RBFOX3: variants seen among roughly 807,000 people sequenced by gnomAD.
RBFOX3 encodes RNA binding protein fox-1 homolog 3.
A neutral mutation model predicts 48.7 loss-of-function variants in RBFOX3; 17 were observed. The ratio of observed to expected loss-of-function variants is 0.35; its 90% confidence interval spans 0.24 to 0.52. The LOEUF is 0.52. Among genes scored for constraint, RBFOX3 ranks in the 20% least tolerant of loss-of-function variants. The pLI is 0.94. For missense variants in RBFOX3, 382 were observed against 497.5 expected, an observed-to-expected ratio of 0.77 and a Z score of 2.21; for synonymous variants, 212 against 209.5, an observed-to-expected ratio of 1.01 and a Z score of -0.10.
intron 2 of RBFOX3, among the ~76,000 whole-genome samples, chr17:79,458,285 G>A (rs922389181): frequency 2.0e-5 from 3 of 152,164 alleles, no homozygotes; most frequent in Non-Finnish European, 2.9e-5. Flanking sequence ...AAATAATTAC[G>A]GATTCACTAG....
chr17:79,520,552 A>G (rs2085912378), intron 1 of RBFOX3, among the ~76,000 whole-genome samples: 1 of 152,140 alleles, frequency 6.6e-6, no homozygotes, highest in Non-Finnish European at 1.5e-5. Flanking sequence ...GCCCCCTGCC[A>G]CCAGCCCACC....
chr17:79,216,543 C>T (rs2059077776), intron 4 of RBFOX3, among the ~76,000 whole-genome samples: 2 of 152,118 alleles, frequency 1.3e-5, no homozygotes, highest in African/African-American at 4.8e-5. Flanking sequence ...GCACGTTGGG[C>T]TGAGCCCAGT....
At chr17:79,558,764 C>CG (rs1304104651) in intron 1 of RBFOX3, among the ~76,000 whole-genome samples, 4 of 152,086 alleles carry the variant, frequency 2.6e-5, no homozygotes, top group Non-Finnish European at 5.9e-5. Context: ...CGTGGGCCTG[C>CG]GGGGAGCAGG....
intron 1 of RBFOX3, among the ~76,000 whole-genome samples, chr17:79,565,773 G>A (rs2092431979): frequency 6.6e-6 from 1 of 152,174 alleles, no homozygotes; most frequent in African/African-American, 2.4e-5. Context: ...GGTAGAGCAG[G>A]GTCTCCTCCT....
chr17:79,405,531 G>A (rs1254842042), intron 2 of RBFOX3, among the ~76,000 whole-genome samples: 44 of 152,024 alleles, frequency 2.9e-4, no homozygotes, highest in Admixed American at 2.9e-3. Flanking sequence ...GACCAGCCTG[G>A]GCAACATGGC....
At chr17:79,454,111 G>T (rs1232780608) in intron 2 of RBFOX3, among the ~76,000 whole-genome samples, 4 of 152,052 alleles carry the variant, frequency 2.6e-5, no homozygotes, top group African/African-American at 9.7e-5. Flanking sequence ...CTGGAGCCCT[G>T]CCCCATCACC....
intron 4 of RBFOX3, among the ~76,000 whole-genome samples, chr17:79,129,494 G>A (rs923699774): frequency 7.7e-5 from 8 of 103,666 alleles, no homozygotes. Flanking sequence ...AGCCCCCCAG[G>A]CTCCTGCTGA....
At chr17:79,643,107 A>C in the RBFOX3 span, among the ~76,000 whole-genome samples, 2 of 152,178 alleles carry the variant, frequency 1.3e-5, no homozygotes, top group Non-Finnish European at 2.9e-5. Flanking sequence ...GTCTCTAAAA[A>C]ACAAAAGGCT....
chr17:79,505,518 T>TGTCCCACCTCCCCAGCTCCTCTTCC (rs2082982750), intron 1 of RBFOX3, among the ~76,000 whole-genome samples: 1 of 151,942 alleles, frequency 6.6e-6, no homozygotes, highest in Non-Finnish European at 1.5e-5. Flanking sequence ...GCTCCTCTTC[T>TGTCCCACCTCCCCAGCTCCTCTTCC]GTCTCCTTCA....
At chr17:79,475,288 G>A (rs2077571906) in intron 2 of RBFOX3, among the ~76,000 whole-genome samples, 1 of 152,068 alleles carries the variant, frequency 6.6e-6, no homozygotes, top group Non-Finnish European at 1.5e-5. Context: ...AGTCATTCTG[G>A]CCTTGGTTTT....
chr17:79,440,538 C>T (rs1445469696), intron 2 of RBFOX3, among the ~76,000 whole-genome samples: 1 of 152,170 alleles, frequency 6.6e-6, no homozygotes, highest in Non-Finnish European at 1.5e-5. Context: ...CAGCCTCTGC[C>T]GACCTCTCCC....
chr17:79,283,174 C>T (rs543954629), intron 3 of RBFOX3, among the ~76,000 whole-genome samples: 4 of 152,132 alleles, frequency 2.6e-5, no homozygotes, highest in South Asian at 4.1e-4. Context: ...GTAGGTTTTG[C>T]TTCCTTCGTG....
chr17:79,441,933 A>C (rs1395786065), intron 2 of RBFOX3, among the ~76,000 whole-genome samples: 2 of 152,000 alleles, frequency 1.3e-5, no homozygotes, highest in Admixed American at 1.3e-4. Flanking sequence ...GCAGACCAAC[A>C]GGTCAGGAGC....
intron 2 of RBFOX3, among the ~76,000 whole-genome samples, chr17:79,452,632 CG>C (rs2073742909): frequency 6.6e-6 from 1 of 151,946 alleles, no homozygotes; most frequent in African/African-American, 2.4e-5. Context: ...GGTCACAGAG[CG>C]GAGAGGGGAG....
At chr17:79,284,643 G>A (rs939159844) in intron 3 of RBFOX3, among the ~76,000 whole-genome samples, 2 of 151,990 alleles carry the variant, frequency 1.3e-5, no homozygotes, top group Non-Finnish European at 2.9e-5. Flanking sequence ...GGGTTCAAGG[G>A]ATTCTCCGGC....
chr17:79,221,459 TGA>T (rs763325167), intron 4 of RBFOX3, among the ~76,000 whole-genome samples: 34 of 151,460 alleles, frequency 2.2e-4, no homozygotes, highest in Non-Finnish European at 4.1e-4. Flanking sequence ...CTCTGGAGAG[TGA>T]GAGAGTGATG....
chr17:79,261,039 C>T (rs772857058), intron 3 of RBFOX3, among the ~76,000 whole-genome samples: 17 of 152,182 alleles, frequency 1.1e-4, no homozygotes, highest in Non-Finnish European at 2.2e-4. Flanking sequence ...CTAGCTGTTC[C>T]TCGCTTGCCT....
intron 4 of RBFOX3, among the ~76,000 whole-genome samples, chr17:79,192,316 G>C (rs1029342302): frequency 2.6e-5 from 4 of 152,286 alleles, no homozygotes; most frequent in African/African-American, 4.8e-5. Flanking sequence ...ATCAGGATGG[G>C]GGGGAGCCGT....
At chr17:79,119,973 G>A (rs897272556) in intron 4 of RBFOX3, among the ~76,000 whole-genome samples, 1 of 152,216 alleles carries the variant, frequency 6.6e-6, no homozygotes, top group East Asian at 1.9e-4. Context: ...TCCTGATAGG[G>A]TACGTGAATG....
Sources: allele counts gnomAD v4.1 joint callset (sites outside exome capture counted in the v4.1 genomes callset), GRCh38; gene constraint gnomAD v4.1.1; transcripts MANE v1.5; gene names NCBI Gene and HGNC (gene_info 2026-07-23, HGNC 2026-07-21).